SP140L: variants seen among roughly 807,000 people sequenced by gnomAD.
The protein encoded by SP140L is SP140 like nuclear body protein.
A neutral mutation model predicts 84.3 loss-of-function variants in SP140L; 64 were observed. The observed-to-expected ratio is 0.76, with a 90% CI of 0.62 to 0.94. The LOEUF (loss-of-function observed/expected upper bound fraction) is 0.94, where lower values mean the gene tolerates loss of function less well. SP140L is among the 40% of genes least tolerant of loss of function. The probability of loss-of-function intolerance (pLI) is 0.00; values close to 1 mark genes in which losing one functional copy is unlikely to be tolerated. For synonymous variants in SP140L, 242 were observed against 236.9 expected (o/e 1.02, Z -0.20); for missense variants, 628 against 692.5 (o/e 0.91, Z 1.05).
intron 18 of SP140L, 143 bp downstream of exon 18, chr2:230,401,950 G>C: frequency 1.1e-6 from 1 of 935,936 alleles, no homozygotes; most frequent in Non-Finnish European, 1.6e-6. Flanking sequence ...TTTCAGTTCA[G>C]AACTTAAGCT....
rs553275579 is a variant in SP140L, at chr2:230,369,935, A to G, written c.524-973A>G. 7.4e-5 allele frequency among the ~76,000 whole-genome samples: 11 copies of G among 147,844 alleles called. No individual in the cohort carries two copies. The South Asian group carries it at 8.3e-4, about 11-fold the overall frequency. ...ATTACAGGCGCACGCCACCACACCC[A>G]GCTAATTTTTGTATTTTTAGTAGAG... is the stretch of plus-strand genomic sequence containing the variant. On this transcript the variant is annotated intron_variant, in intron 5 of 18. Transcript: ENST00000415673.
intron 13 of SP140L, among the ~76,000 whole-genome samples, chr2:230,396,109 G>A (rs1169154047): frequency 1.3e-5 from 2 of 152,182 alleles, no homozygotes; most frequent in African/African-American, 2.4e-5. Context: ...TGACACAAAG[G>A]CCAAGTTTAG....
intron 2 of SP140L, among the ~76,000 whole-genome samples, chr2:230,351,369 G>A (rs536498398): frequency 2.6e-5 from 4 of 152,194 alleles, no homozygotes; most frequent in African/African-American, 4.8e-5. Context: ...TATGTGTATT[G>A]GACATTTTAA....
intron 6 of SP140L, among the ~76,000 whole-genome samples, chr2:230,371,237 A>G (rs1377991225): frequency 6.6e-6 from 1 of 152,244 alleles, no homozygotes; most frequent in Non-Finnish European, 1.5e-5. Context: ...ATGTTAAGTC[A>G]CACTCAATAT....
In SP140L at chr2:230,396,796, T is replaced by C; in HGVS notation, c.1195T>C (p.Cys399Arg). The change falls in exon 14 of 19, where the codon TGT becomes CGT. Residue 399 changes from cysteine to arginine, a missense_variant and splice_region_variant. By Grantham distance (180) the Cys-to-Arg change is radical. Around this residue, in one of 4 missense-constraint regions of SP140L, gnomAD observed 525 missense variants for 518.4 expected, o/e 1.01. Coordinates refer to ENST00000415673, the MANE Select transcript of SP140L (RefSeq NM_138402.6). ...TCAAAACAATAGCTCAGTTGACCCT[T>C]GTGTAAGTATAAATTCTGAACTACA... Reference protein sequence around the residue: ...KSQNNSSVDPCMRNLDECEVC... With the variant: ...KSQNNSSVDPRMRNLDECEVC... The C allele has an allele frequency of 1.2e-6, 2 of 1,613,966 alleles. No homozygotes were observed. Among genetic ancestry groups the C allele is most frequent in the Non-Finnish European group, 1.7e-6 (2 of 1,179,884 alleles).
intron 10 of SP140L, chr2:230,388,839 G>A (rs891402250): frequency 7.0e-6 from 3 of 427,782 alleles, no homozygotes; most frequent in African/African-American, 6.2e-5. Context: ...ACCAGACCCT[G>A]GGGCCCCAGG....
At chr2:230,400,829 G>A in intron 15 of SP140L, 126 bp from the exon 16 acceptor site, 1 of 1,581,944 alleles carries the variant, frequency 6.3e-7, no homozygotes, top group Non-Finnish European at 8.6e-7. Flanking sequence ...GATACTCTGG[G>A]AGGTGTTCCC....
chr2:230,371,620 C>G lies in SP140L; in HGVS notation c.606C>G (p.Asn202Lys). The G allele has an allele frequency of 1.2e-6, 2 of 1,607,138 alleles. No homozygotes were observed. Among genetic ancestry groups the G allele is most frequent in the Non-Finnish European group, 1.7e-6 (2 of 1,175,260 alleles). Residue 202 changes from asparagine (N) to lysine (K), a missense_variant, in exon 7 of 19, where the codon AAC becomes AAG. Around this residue, in one of 4 missense-constraint regions of SP140L, gnomAD observed 525 missense variants for 518.4 expected, o/e 1.01. Transcript: ENST00000415673. The part of the protein sequence containing the change: ...GKMDTVDIAN[N>K]STLGKPKRKR... ...TAGATACTGTGGATATTGCAAACAA[C>G]TCTACTTTGGGAAAACCCAAGAGGA...
intron 9 of SP140L, among the ~76,000 whole-genome samples, chr2:230,386,516 T>G (rs2061587462): frequency 6.6e-6 from 1 of 152,210 alleles, no homozygotes; most frequent in Non-Finnish European, 1.5e-5. Context: ...ATAGTATTTA[T>G]TAAGGTTTAT....
chr2:230,399,907 A>C, intron 14 of SP140L: 3 of 415,894 alleles, frequency 7.2e-6, no homozygotes, highest in Non-Finnish European at 1.3e-5. Context: ...TTTATAAGGA[A>C]AACGTTTTTA....
chr2:230,328,390 C>A (rs112196074), intron 1 of SP140L, among the ~76,000 whole-genome samples: 4,597 of 152,212 alleles, frequency 0.03, 117 homozygotes, highest in Non-Finnish European at 0.046. Flanking sequence ...TTTGTGTTCT[C>A]GTTTTGTAAT....
intron 2 of SP140L, among the ~76,000 whole-genome samples, chr2:230,347,638 C>A (rs957918028): frequency 4.6e-5 from 7 of 152,160 alleles, no homozygotes; most frequent in African/African-American, 1.7e-4. Flanking sequence ...AGAGGCCATA[C>A]TCTGTAGTTA....
intron 7 of SP140L, among the ~76,000 whole-genome samples, chr2:230,380,732 C>G (rs1366229153): frequency 1.3e-5 from 2 of 152,110 alleles, no homozygotes; most frequent in Non-Finnish European, 2.9e-5. Context: ...TAAGGTTTTA[C>G]AGCGTGTTCT....
chr2:230,378,471 G>A (rs2061316189), intron 7 of SP140L, among the ~76,000 whole-genome samples: 1 of 152,120 alleles, frequency 6.6e-6, no homozygotes, highest in Non-Finnish European at 1.5e-5. Flanking sequence ...GTTTTCTCCG[G>A]AACTCCCCTC....
chr2:230,354,127 TG>T (rs1343452802), intron 2 of SP140L, among the ~76,000 whole-genome samples: 1 of 152,178 alleles, frequency 6.6e-6, no homozygotes, highest in Non-Finnish European at 1.5e-5. Flanking sequence ...CTGTTTCTCC[TG>T]GGGTAACTTT....
rs377421971 is a variant in SP140L, at chr2:230,340,191, T to A, written c.107+11360T>A. Among the ~76,000 whole-genome samples the A allele has an allele frequency of 5.3e-5, 8 of 151,902 alleles. No individual in the cohort carries two copies. In the South Asian group the frequency reaches 1.0e-3, roughly 20 times the overall value. On this transcript the variant is annotated intron_variant, in intron 2 of 18. Coordinates refer to ENST00000415673, the MANE Select transcript of SP140L (RefSeq NM_138402.6). Reference sequence around the variant, plus strand: ...TTGGTACTCCTGTATTGAGTGCATATATATTTAGGATAGTTAGCTCTTCTT... The same window carrying A: ...TTGGTACTCCTGTATTGAGTGCATAAATATTTAGGATAGTTAGCTCTTCTT...
At chr2:230,358,855 G>T in intron 3 of SP140L, 109 bp from the exon 4 acceptor site, 1 of 858,684 alleles carries the variant, frequency 1.2e-6, no homozygotes, top group Non-Finnish European at 1.8e-6. Context: ...TACATGAGAA[G>T]ATACCTCTGA....
At chr2:230,361,473 CT>C (rs1467415955) in intron 4 of SP140L, 140 bp from the exon 5 acceptor site, 1 of 676,746 alleles carries the variant, frequency 1.5e-6, no homozygotes, top group African/African-American at 1.8e-5. Flanking sequence ...CATCTCTTCT[CT>C]GTCCCAGAAG....
At chr2:230,367,295 C>CTT (rs200306286) in intron 5 of SP140L, among the ~76,000 whole-genome samples, 26,083 of 117,894 alleles carry the variant, frequency 0.22, 3,906 homozygotes, top group African/African-American at 0.36. Flanking sequence ...TCTTTTTTTT[C>CTT]TTTTTTTTTT....
Sources: gnomAD v4.1 joint callset for allele counts (sites outside exome capture counted in the v4.1 genomes callset) on GRCh38, gnomAD v4.1.1 for gene constraint, gnomAD v4.1.1 regional missense constraint, MANE v1.5 for transcripts, NCBI Gene and HGNC (gene_info 2026-07-23, HGNC 2026-07-21) for gene names.